The following WWOX variants were observed in gnomAD, a reference collection of about 807,000 sequenced individuals.
The protein encoded by WWOX is WW domain-containing oxidoreductase.
WWOX carries 69 observed loss-of-function variants against 46.2 expected under a neutral mutation model. The observed-to-expected ratio is 1.49, with a 90% CI of 1.23 to 1.82. The LOEUF is 1.82. WWOX is among the 40% of genes most tolerant of loss of function. WWOX has a pLI of 0.00. For missense variants in WWOX, 919 were observed against 542.6 expected (o/e 1.69, Z -6.89); for synonymous variants, 359 against 202.6 (o/e 1.77, Z -6.56).
At chr16:78,900,501 C>G (rs998061537) in intron 8 of WWOX, among the ~76,000 whole-genome samples, 1 of 152,078 alleles carries the variant, frequency 6.6e-6, no homozygotes, top group Non-Finnish European at 1.5e-5. Flanking sequence ...TTCAAGAAAC[C>G]CACAGAGGTC....
intron 8 of WWOX, among the ~76,000 whole-genome samples, chr16:79,182,328 G>A (rs1255913184): frequency 3.9e-5 from 6 of 152,126 alleles, no homozygotes; most frequent in African/African-American, 9.6e-5. Flanking sequence ...CAAAACGACC[G>A]GAAATGCCTT....
chr16:78,491,229 C>G (rs991231930), intron 8 of WWOX, among the ~76,000 whole-genome samples: 3 of 152,188 alleles, frequency 2.0e-5, no homozygotes, highest in Non-Finnish European at 2.9e-5. Context: ...CCATTAATCA[C>G]CTTCCCTCTC....
At chr16:78,723,926 C>G (rs2048760846) in intron 8 of WWOX, among the ~76,000 whole-genome samples, 1 of 152,214 alleles carries the variant, frequency 6.6e-6, no homozygotes, top group East Asian at 1.9e-4. Flanking sequence ...TATTTGAGGA[C>G]CTAGACTTCA....
At chr16:78,500,423 T>TCC (rs1403489867) in intron 8 of WWOX, among the ~76,000 whole-genome samples, 4 of 150,974 alleles carry the variant, frequency 2.6e-5, no homozygotes, top group Non-Finnish European at 5.9e-5. Context: ...CTTCCTTCCT[T>TCC]TTTCCCTTCA....
At chr16:78,539,365 C>G (rs957786693) in intron 8 of WWOX, among the ~76,000 whole-genome samples, 1 of 152,190 alleles carries the variant, frequency 6.6e-6, no homozygotes, top group Non-Finnish European at 1.5e-5. Flanking sequence ...CTGCTAGGGG[C>G]TCTTGTCATA....
intron 8 of WWOX, among the ~76,000 whole-genome samples, chr16:78,483,986 G>T (rs1183027129): frequency 2.0e-5 from 3 of 152,136 alleles, no homozygotes; most frequent in Non-Finnish European, 4.4e-5. Context: ...CAGGAAAATG[G>T]CTTACCTTAC....
intron 8 of WWOX, among the ~76,000 whole-genome samples, chr16:79,189,423 T>TTGTGTGTGTGTG (rs4035319): frequency 1.7e-5 from 2 of 114,918 alleles, no homozygotes; most frequent in Non-Finnish European, 3.6e-5. Context: ...ACTCCCAGCT[T>TTGTGTGTGTGTG]TGTGTGTGTG....
At chr16:78,639,615 G>A (rs1025437320) in intron 8 of WWOX, among the ~76,000 whole-genome samples, 8 of 152,034 alleles carry the variant, frequency 5.3e-5, no homozygotes, top group African/African-American at 1.9e-4. Flanking sequence ...ACAGGCTGGG[G>A]TGCAATGGTA....
chr16:78,392,069 G>C (rs1182087749), intron 6 of WWOX, among the ~76,000 whole-genome samples: 2 of 151,686 alleles, frequency 1.3e-5, no homozygotes, highest in African/African-American at 2.4e-5. Flanking sequence ...TCTAGAGCAG[G>C]GGTCCATGAC....
intron 8 of WWOX, among the ~76,000 whole-genome samples, chr16:78,805,028 C>A (rs1269996043): frequency 6.6e-6 from 1 of 152,170 alleles, no homozygotes; most frequent in Non-Finnish European, 1.5e-5. Context: ...GCAAAATGCC[C>A]CTTTCTCCTG....
chr16:78,384,873 C>G (rs867679695), intron 5 of WWOX, among the ~76,000 whole-genome samples: 3 of 152,120 alleles, frequency 2.0e-5, no homozygotes, highest in African/African-American at 7.2e-5. Flanking sequence ...CGGTGGCTCA[C>G]GCCTGTAATC....
intron 8 of WWOX, among the ~76,000 whole-genome samples, chr16:78,870,975 T>A (rs2044115347): frequency 6.6e-6 from 1 of 152,200 alleles, no homozygotes. Flanking sequence ...GAGTCTTAAG[T>A]GTCCCAATAG....
At chr16:78,268,583 A>T (rs1402442085) in intron 5 of WWOX, among the ~76,000 whole-genome samples, 2 of 152,172 alleles carry the variant, frequency 1.3e-5, no homozygotes, top group East Asian at 3.9e-4. Context: ...GGCCTGGTGG[A>T]TTCTAAAGCT....
chr16:78,924,107 G>C (rs1299434413), intron 8 of WWOX, among the ~76,000 whole-genome samples: 5 of 152,090 alleles, frequency 3.3e-5, no homozygotes, highest in Admixed American at 3.3e-4. Context: ...ATGAGCCGCT[G>C]TGCCCGGCTG....
rs748905824 is a variant in WWOX, at chr16:78,947,451, A to T, written c.1057-264157A>T. Reference sequence around the variant, plus strand: ...TTTGAGTGCTAACTGAGATGAAAGGAGTGAGGAAACGCTCTCTTCTTCTTG... The same window carrying T: ...TTTGAGTGCTAACTGAGATGAAAGGTGTGAGGAAACGCTCTCTTCTTCTTG... On this transcript the variant is annotated intron_variant, in intron 8 of 8. Transcript: ENST00000566780. 2.8e-4 allele frequency among the ~76,000 whole-genome samples: 43 copies of T among 152,254 alleles called. No homozygotes were observed. In the Middle Eastern group the frequency reaches 0.01, roughly 36 times the overall value.
At chr16:78,375,001 A>C (rs1427477450) in intron 5 of WWOX, among the ~76,000 whole-genome samples, 1 of 152,154 alleles carries the variant, frequency 6.6e-6, no homozygotes, top group Non-Finnish European at 1.5e-5. Context: ...TTCTGTCTTT[A>C]CTGGTATTAT....
At chr16:78,779,934 A>T (rs11864478) in intron 8 of WWOX, among the ~76,000 whole-genome samples, 4,191 of 152,318 alleles carry the variant, frequency 0.028, 199 homozygotes, top group African/African-American at 0.096. Flanking sequence ...TTGCAGCCAC[A>T]AATCAATAAT....
At chr16:78,584,719 A>G (rs2045151069) in intron 8 of WWOX, among the ~76,000 whole-genome samples, 1 of 152,220 alleles carries the variant, frequency 6.6e-6, no homozygotes. Flanking sequence ...CAGTTAGCTT[A>G]CCAGGGGGTG....
At chr16:78,590,041 C>G (rs2045313871) in intron 8 of WWOX, among the ~76,000 whole-genome samples, 4 of 152,042 alleles carry the variant, frequency 2.6e-5, no homozygotes, top group African/African-American at 7.2e-5. Flanking sequence ...TGTGATAAGT[C>G]CTAGGATTAT....
Sources: allele counts gnomAD v4.1 joint callset (sites outside exome capture counted in the v4.1 genomes callset), GRCh38; gene constraint gnomAD v4.1.1; transcripts MANE v1.5; gene names NCBI Gene and HGNC (gene_info 2026-07-23, HGNC 2026-07-21).